Variants in FBXO42 observed in about 807,000 individuals in gnomAD.
FBXO42 encodes F-box protein 42, also known as F-box only protein 42.
FBXO42 carries 12 observed loss-of-function variants against 71.7 expected under a neutral mutation model. The ratio of observed to expected loss-of-function variants is 0.17; its 90% CI spans 0.11 to 0.27. FBXO42 has a LOEUF of 0.27. FBXO42 is among the 10% of genes least tolerant of loss of function. The pLI is 1.00. For synonymous variants in FBXO42, 325 were observed against 327.5 expected (o/e 0.99, Z 0.08); for missense variants, 707 against 911.9 (o/e 0.78, Z 2.89).
intron 1 of FBXO42, among the ~76,000 whole-genome samples, chr1:16,320,438 T>C (rs1026677857): frequency 6.6e-6 from 1 of 151,932 alleles, no homozygotes; most frequent in African/African-American, 2.4e-5. Context: ...CTCTTACTTG[T>C]TCCCTTATAT....
At chr1:16,286,427 G>C (rs1237781319) in intron 4 of FBXO42, among the ~76,000 whole-genome samples, 1 of 152,092 alleles carries the variant, frequency 6.6e-6, no homozygotes, top group Non-Finnish European at 1.5e-5. Context: ...GTGCAAGCAG[G>C]GGAAATGCCA....
chr1:16,254,720 G>T (rs1270850666), intron 6 of FBXO42, among the ~76,000 whole-genome samples: 1 of 152,196 alleles, frequency 6.6e-6, no homozygotes, highest in Non-Finnish European at 1.5e-5. Context: ...TTCCACTTCA[G>T]AGCACAGGGG....
intron 4 of FBXO42, among the ~76,000 whole-genome samples, chr1:16,282,986 A>G (rs2081980926): frequency 6.6e-6 from 1 of 152,018 alleles, no homozygotes; most frequent in Non-Finnish European, 1.5e-5. Flanking sequence ...GTCTCAAAAA[A>G]AAAAAAAAAA....
In FBXO42 at chr1:16,273,023, A is replaced by G. The variant is rs532906728; in HGVS notation, c.503-16264T>C. ...AAAGAACCCTGACAACTTACTCCTT[A>G]GCTAGTATCTCCGTATATATAAAGA... On this transcript the variant is annotated intron_variant, in intron 4 of 9. Transcript: ENST00000375592. Among the ~76,000 whole-genome samples the G allele has an allele frequency of 5.7e-4, 87 of 152,278 alleles. 2 individuals are homozygous for G. The South Asian group carries it at 0.013, about 22-fold the overall frequency.
At chr1:16,283,494 G>GTTTTTTTTTTTTGTTTTTT (rs763063776) in intron 4 of FBXO42, among the ~76,000 whole-genome samples, 7 of 80,972 alleles carry the variant, frequency 8.6e-5, no homozygotes, top group East Asian at 5.9e-4. Flanking sequence ...ACTGTGGCAA[G>GTTTTTTTTTTTTGTTTTTT]TTTTTTTTTT....
chr1:16,307,252 G>A (rs1219649282), intron 2 of FBXO42, among the ~76,000 whole-genome samples: 5 of 152,100 alleles, frequency 3.3e-5, no homozygotes, highest in Admixed American at 2.6e-4. Context: ...TAATCCCAGT[G>A]CTTTAGGAAG....
chr1:16,318,882 G>C (rs1162828348), intron 1 of FBXO42, among the ~76,000 whole-genome samples: 5 of 152,160 alleles, frequency 3.3e-5, no homozygotes, highest in Non-Finnish European at 7.3e-5. Context: ...CTAAATCACT[G>C]CTTCGCTCAA....
At chr1:16,286,455 C>G (rs920479814) in intron 4 of FBXO42, among the ~76,000 whole-genome samples, 1 of 152,158 alleles carries the variant, frequency 6.6e-6, no homozygotes. Flanking sequence ...ATATAACCAT[C>G]AATAACTCAC....
Position 16,251,717 on chromosome 1 carries a change from G to A in FBXO42, c.1107C>T (p.Asn369=), listed in dbSNP as rs373188289. Residue 369 remains asparagine, a synonymous_variant, in exon 10 of 10, where the codon AAC becomes AAT. Coordinates refer to ENST00000375592, the MANE Select transcript of FBXO42 (RefSeq NM_018994.3). The surrounding 1 kb of genome is among the most constrained non-coding windows in gnomAD (Gnocchi z 4.5). ...SGRAPLSPSL[N]SRPSPISATP... ...TGGCACTGATAGGTGATGGGCGAGA[G>A]TTCAAACTGGGGCTGAGTGGGGCTC... 1.2e-6 allele frequency: 2 copies of A among 1,614,096 alleles called. No individual in the cohort carries two copies. Among genetic ancestry groups the A allele is most frequent in the African/African-American group, 2.7e-5 (2 of 74,936 alleles).
intron 3 of FBXO42, among the ~76,000 whole-genome samples, chr1:16,302,117 T>C (rs2082201441): frequency 6.6e-6 from 1 of 152,022 alleles, no homozygotes; most frequent in African/African-American, 2.4e-5. Context: ...GTATGAATAG[T>C]ATATTAGGGA....
chr1:16,339,685 G>A (rs925074025), intron 1 of FBXO42, among the ~76,000 whole-genome samples: 9 of 152,236 alleles, frequency 5.9e-5, no homozygotes, highest in Non-Finnish European at 1.2e-4. Flanking sequence ...CAGCTGAACA[G>A]ATTATGAATT....
chr1:16,268,517 A>G (rs1167336373), intron 4 of FBXO42, among the ~76,000 whole-genome samples: 1 of 152,182 alleles, frequency 6.6e-6, no homozygotes, highest in East Asian at 1.9e-4. Flanking sequence ...ACAGGACTGC[A>G]AAGGGCTACA....
chr1:16,251,900 G>T lies in FBXO42; in HGVS notation c.1039-115C>A. On this transcript the variant is annotated intron_variant, in intron 9 of 9. Coordinates refer to ENST00000375592, the MANE Select transcript of FBXO42 (RefSeq NM_018994.3). The surrounding 1 kb of genome is among the most constrained non-coding windows in gnomAD (Gnocchi z 4.5). ...TGCCAGACATTTTGTAGGTACCTGAGATATGAAGATGAAAATGATGTAGTC... is the reference window on the plus strand; with the variant it reads ...TGCCAGACATTTTGTAGGTACCTGATATATGAAGATGAAAATGATGTAGTC... 7.6e-7 allele frequency: 1 copy of T among 1,318,354 alleles called. No homozygotes were observed. Among genetic ancestry groups the T allele is most frequent in the Non-Finnish European group, 1.0e-6 (1 of 973,302 alleles). The allele number at this position is 1,318,354 out of a possible 1,614,324, so 81.7% of individuals were successfully genotyped here.
intron 4 of FBXO42, among the ~76,000 whole-genome samples, chr1:16,288,164 G>A (rs981536643): frequency 2.6e-5 from 4 of 151,800 alleles, no homozygotes; most frequent in African/African-American, 9.7e-5. Flanking sequence ...AATAGGCCGG[G>A]TGCAGTGGCT....
chr1:16,253,495 A>C, intron 7 of FBXO42, 140 bp downstream of exon 7: 2 of 701,618 alleles, frequency 2.9e-6, no homozygotes. Flanking sequence ...AAGTTGAAAA[A>C]TAAATACCAG....
intron 1 of FBXO42, among the ~76,000 whole-genome samples, chr1:16,336,857 C>A (rs558199726): frequency 6.6e-6 from 1 of 151,972 alleles, no homozygotes; most frequent in South Asian, 2.1e-4. Flanking sequence ...TGGTGGCAAA[C>A]GCCCGTAATT....
chr1:16,274,686 G>A, intron 4 of FBXO42, among the ~76,000 whole-genome samples: 1 of 147,248 alleles, frequency 6.8e-6, no homozygotes, highest in East Asian at 2.1e-4. Flanking sequence ...CCGCCTCCTG[G>A]GTTCAAACGA....
chr1:16,347,562 T>G (rs938629704), intron 1 of FBXO42, among the ~76,000 whole-genome samples: 1 of 150,882 alleles, frequency 6.6e-6, no homozygotes, highest in South Asian at 2.1e-4. Context: ...AATTAAAAAG[T>G]AGAAATTTCA....
At chr1:16,310,371 A>AT (rs928162511) in intron 2 of FBXO42, among the ~76,000 whole-genome samples, 1 of 151,598 alleles carries the variant, frequency 6.6e-6, no homozygotes, top group African/African-American at 2.4e-5. Context: ...AAAAAAAAAA[A>AT]GAAAAACAAA....
Sources: gnomAD v4.1 joint callset for allele counts (sites outside exome capture counted in the v4.1 genomes callset) on GRCh38, gnomAD v4.1.1 for gene constraint, Gnocchi (gnomAD v3.1) non-coding constraint, MANE v1.5 for transcripts, NCBI Gene and HGNC (gene_info 2026-07-23, HGNC 2026-07-21) for gene names.